Variants in DOCK1 observed in about 807,000 individuals in gnomAD.
The protein encoded by DOCK1 is dedicator of cytokinesis 1, also known as dedicator of cytokinesis protein 1.
Under a neutral mutation model 262.7 loss-of-function variants are expected in DOCK1, and 138 were observed. That is an observed-to-expected ratio of 0.53 (90% CI 0.46 to 0.61). The LOEUF (loss-of-function observed/expected upper bound fraction) is 0.61. Ranked by LOEUF, DOCK1 falls within the 20% of genes least tolerant of loss-of-function variation. The probability of loss-of-function intolerance (pLI) is 0.00; values close to 1 mark genes in which losing one functional copy is unlikely to be tolerated. For synonymous variants in DOCK1, 866 were observed against 867.4 expected (o/e 1.00, Z 0.03); for missense variants, 1,908 against 2,370.7 (o/e 0.80, Z 4.05).
chr10:127,031,912 G>T (rs1399975477), intron 17 of DOCK1, among the ~76,000 whole-genome samples, 159 bp downstream of exon 17: 4 of 152,096 alleles, frequency 2.6e-5, no homozygotes, highest in Admixed American at 6.6e-5. Context: ...CCCTTTTGTT[G>T]TTCCTAACGG....
intron 29 of DOCK1, among the ~76,000 whole-genome samples, chr10:127,292,950 A>G (rs949454141): frequency 6.6e-6 from 1 of 152,166 alleles, no homozygotes; most frequent in Admixed American, 6.5e-5. Context: ...GGAAGTCCCC[A>G]CTTGACAGGT....
chr10:126,906,408 C>A (rs2030839427), intron 1 of DOCK1, among the ~76,000 whole-genome samples: 1 of 152,336 alleles, frequency 6.6e-6, no homozygotes, highest in Middle Eastern at 3.4e-3. Context: ...CCTGCGGACG[C>A]CCACCTCTTC....
At chr10:127,189,308 G>A (rs189235080) in intron 27 of DOCK1, among the ~76,000 whole-genome samples, 25 of 152,302 alleles carry the variant, frequency 1.6e-4, no homozygotes, top group Admixed American at 1.2e-3. Flanking sequence ...ATTACTAGGA[G>A]TGAGTTGGGG....
intron 29 of DOCK1, among the ~76,000 whole-genome samples, chr10:127,331,705 G>T (rs1282611091): frequency 2.0e-5 from 3 of 152,102 alleles, no homozygotes; most frequent in Non-Finnish European, 4.4e-5. Flanking sequence ...TGAACATAAG[G>T]ACTTGAAGAG....
At chr10:127,117,664 G>A (rs2049277914) in intron 25 of DOCK1, among the ~76,000 whole-genome samples, 1 of 152,124 alleles carries the variant, frequency 6.6e-6, no homozygotes, top group Admixed American at 6.5e-5. Context: ...GAGTTCTGCT[G>A]TCACTTCTGG....
chr10:126,996,652 G>A, intron 6 of DOCK1, 96 bp from the exon 7 acceptor site: 3 of 1,270,776 alleles, frequency 2.4e-6, no homozygotes, highest in Non-Finnish European at 3.1e-6. Context: ...TTTCTAGGTT[G>A]TTTTTACCTG....
intron 27 of DOCK1, among the ~76,000 whole-genome samples, chr10:127,188,619 G>A (rs1263941707): frequency 2.6e-5 from 4 of 152,152 alleles, no homozygotes; most frequent in African/African-American, 4.8e-5. Flanking sequence ...ATTTCTGGCC[G>A]TAGTCCTTAC....
At chr10:127,384,647 C>G in intron 37 of DOCK1, 143 bp from the exon 38 acceptor site, 2 of 1,038,118 alleles carry the variant, frequency 1.9e-6, no homozygotes, top group Non-Finnish European at 2.5e-6. Context: ...AGGCTCTGCC[C>G]TGGCAGTCCC....
At chr10:127,308,971 C>T (rs2135483433) in intron 29 of DOCK1, among the ~76,000 whole-genome samples, 1 of 152,262 alleles carries the variant, frequency 6.6e-6, no homozygotes, top group Non-Finnish European at 1.5e-5. Flanking sequence ...ATGGCTGGGT[C>T]AAATGGTATT....
intron 25 of DOCK1, among the ~76,000 whole-genome samples, chr10:127,115,003 C>T (rs1019159557): frequency 1.3e-5 from 2 of 152,174 alleles, no homozygotes; most frequent in African/African-American, 4.8e-5. Context: ...GATCCACCCT[C>T]CTCAGCCTCC....
chr10:127,075,153 G>A (rs1473312395), intron 23 of DOCK1, among the ~76,000 whole-genome samples: 5 of 114,542 alleles, frequency 4.4e-5, no homozygotes, highest in African/African-American at 1.5e-4. Flanking sequence ...TGGGCAACAA[G>A]AGCGAAACTC....
At chr10:127,370,505 A>C (rs1369789842) in intron 33 of DOCK1, among the ~76,000 whole-genome samples, 2 of 152,182 alleles carry the variant, frequency 1.3e-5, no homozygotes, top group Non-Finnish European at 2.9e-5. Flanking sequence ...CAGATGTATA[A>C]AATTATAGAT....
chr10:127,118,192 G>A (rs923880909), intron 25 of DOCK1, among the ~76,000 whole-genome samples: 1 of 152,026 alleles, frequency 6.6e-6, no homozygotes, highest in Non-Finnish European at 1.5e-5. Flanking sequence ...GATCCTGCCT[G>A]CAGACTGACA....
chr10:127,362,488 T>A (rs1049471465), intron 33 of DOCK1, among the ~76,000 whole-genome samples: 1 of 152,236 alleles, frequency 6.6e-6, no homozygotes, highest in Non-Finnish European at 1.5e-5. Flanking sequence ...GATAAAAGTC[T>A]CTTGCTCCCA....
chr10:126,968,208 C>G (rs1241298562), intron 1 of DOCK1, among the ~76,000 whole-genome samples: 1 of 152,146 alleles, frequency 6.6e-6, no homozygotes, highest in African/African-American at 2.4e-5. Flanking sequence ...AGGGCTGTTA[C>G]TCTATCTGCA....
At chr10:127,146,479 A>G (rs2133378246) in intron 27 of DOCK1, among the ~76,000 whole-genome samples, 1 of 152,306 alleles carries the variant, frequency 6.6e-6, no homozygotes, top group Middle Eastern at 3.4e-3. Context: ...TAGCTTTGGG[A>G]ATTTTCAAGA....
At chr10:127,060,695 CAT>C (rs2045474520) in intron 22 of DOCK1, among the ~76,000 whole-genome samples, 1 of 151,894 alleles carries the variant, frequency 6.6e-6, no homozygotes, top group East Asian at 1.9e-4. Flanking sequence ...CAATTAGTAA[CAT>C]ATATTAGCAT....
intron 27 of DOCK1, among the ~76,000 whole-genome samples, chr10:127,143,651 G>A (rs763930268): frequency 1.3e-5 from 2 of 152,176 alleles, no homozygotes; most frequent in African/African-American, 2.4e-5. Context: ...AACTTGGCCG[G>A]TTTTATGTGA....
intron 29 of DOCK1, among the ~76,000 whole-genome samples, chr10:127,323,406 C>T (rs1288058810): frequency 1.3e-5 from 2 of 152,172 alleles, no homozygotes; most frequent in African/African-American, 2.4e-5. Flanking sequence ...GAGCAAAGTG[C>T]TTGTGGTTCC....
Sources: allele counts gnomAD v4.1 joint callset (sites outside exome capture counted in the v4.1 genomes callset), GRCh38; gene constraint gnomAD v4.1.1; transcripts MANE v1.5; gene names NCBI Gene and HGNC (gene_info 2026-07-23, HGNC 2026-07-21).